CSMD1: variants seen among roughly 807,000 people sequenced by gnomAD.
CSMD1 encodes CUB and sushi domain-containing protein 1.
Under a neutral mutation model 417.5 loss-of-function variants are expected in CSMD1, and 213 were observed. The observed-to-expected ratio is 0.51, with a 90% CI of 0.46 to 0.57. The LOEUF (loss-of-function observed/expected upper bound fraction) is 0.57. Ranked by LOEUF, CSMD1 falls within the 20% of genes least tolerant of loss-of-function variation. The pLI, the probability that CSMD1 is intolerant of heterozygous loss-of-function variation, is 0.00. For missense variants in CSMD1, 6,923 were observed against 4,529.7 expected, an observed-to-expected ratio of 1.53 and a Z score of -15.17; for synonymous variants, 2,862 against 1,736.8, an observed-to-expected ratio of 1.65 and a Z score of -16.11.
intron 2 of CSMD1, among the ~76,000 whole-genome samples, chr8:4,625,583 A>G (rs544854716): frequency 6.6e-6 from 1 of 152,192 alleles, no homozygotes; most frequent in South Asian, 2.1e-4. Flanking sequence ...TCTCCTGTAT[A>G]CACGAGCAAA....
intron 11 of CSMD1, among the ~76,000 whole-genome samples, chr8:3,477,268 A>C (rs1817487093): frequency 6.6e-6 from 1 of 152,338 alleles, no homozygotes; most frequent in African/African-American, 2.4e-5. Flanking sequence ...AGATGTGCTA[A>C]ACCTTTAATA....
chr8:4,011,970 A>C (rs1816574516), intron 4 of CSMD1, among the ~76,000 whole-genome samples: 1 of 152,118 alleles, frequency 6.6e-6, no homozygotes, highest in Non-Finnish European at 1.5e-5. Context: ...ATAATACCAA[A>C]TATAAATGTC....
chr8:4,635,400 C>A (rs971159641), intron 2 of CSMD1, among the ~76,000 whole-genome samples: 1 of 151,780 alleles, frequency 6.6e-6, no homozygotes, highest in Non-Finnish European at 1.5e-5. Flanking sequence ...ATAAAATGAT[C>A]ATAATAGTAC....
chr8:3,301,555 G>T (rs575533921), intron 25 of CSMD1, among the ~76,000 whole-genome samples: 1 of 152,178 alleles, frequency 6.6e-6, no homozygotes, highest in South Asian at 2.1e-4. Flanking sequence ...GAGATGGGAA[G>T]AAACTGGAGG....
At chr8:3,739,967 C>A (rs1796709149) in intron 6 of CSMD1, among the ~76,000 whole-genome samples, 1 of 152,178 alleles carries the variant, frequency 6.6e-6, no homozygotes, top group African/African-American at 2.4e-5. Context: ...TTCGATTCTC[C>A]TTCATGATCC....
chr8:3,437,033 G>C (rs1021343888), intron 12 of CSMD1, among the ~76,000 whole-genome samples: 8 of 152,190 alleles, frequency 5.3e-5, no homozygotes, highest in African/African-American at 1.7e-4. Flanking sequence ...CTCATTTAAA[G>C]TGTGGAGCTT....
intron 1 of CSMD1, among the ~76,000 whole-genome samples, chr8:4,901,975 T>G (rs1804900679): frequency 6.6e-6 from 1 of 152,178 alleles, no homozygotes; most frequent in Non-Finnish European, 1.5e-5. Flanking sequence ...AAAGACATAA[T>G]GTCAACCTCA....
intron 1 of CSMD1, among the ~76,000 whole-genome samples, chr8:4,834,977 A>AAAAAGAAAGAAAG (rs1385745588): frequency 6.2e-5 from 2 of 32,240 alleles, no homozygotes; most frequent in African/African-American, 1.1e-4. Flanking sequence ...AAAAAAAAAA[A>AAAAAGAAAGAAAG]AAAGAAAGAA....
At chr8:4,930,406 T>C (rs1807168966) in intron 1 of CSMD1, among the ~76,000 whole-genome samples, 1 of 152,282 alleles carries the variant, frequency 6.6e-6, no homozygotes, top group Non-Finnish European at 1.5e-5. Context: ...CACATATACA[T>C]GCACACATCA....
chr8:3,411,436 C>A (rs1812694168), intron 12 of CSMD1, among the ~76,000 whole-genome samples: 1 of 151,708 alleles, frequency 6.6e-6, no homozygotes, highest in African/African-American at 2.4e-5. Context: ...TCTTCTATTC[C>A]TCATCCCCTT....
chr8:4,344,692 TC>T (rs1800680521), intron 3 of CSMD1, among the ~76,000 whole-genome samples: 1 of 151,994 alleles, frequency 6.6e-6, no homozygotes, highest in Non-Finnish European at 1.5e-5. Context: ...TAAAAATGTT[TC>T]CTAAAAATAA....
intron 5 of CSMD1, among the ~76,000 whole-genome samples, chr8:3,845,993 T>C (rs771153880): frequency 1.3e-5 from 2 of 151,956 alleles, no homozygotes; most frequent in Non-Finnish European, 1.5e-5. Flanking sequence ...AGCCGTCACC[T>C]CCTATGAGAA....
chr8:3,938,558 C>G (rs1013818972), intron 5 of CSMD1, among the ~76,000 whole-genome samples: 2 of 152,136 alleles, frequency 1.3e-5, no homozygotes, highest in Admixed American at 1.3e-4. Flanking sequence ...ACCGATGCTA[C>G]CAATGCATCT....
In CSMD1 at chr8:4,541,728, C is replaced by T. The variant is rs1797397195; in HGVS notation, c.302+95614G>A. Among the ~76,000 whole-genome samples, 4 of 152,022 alleles carry T rather than the reference C, an allele frequency of 2.6e-5. 1 individual carries two copies. The South Asian group carries it at 6.2e-4, about 24-fold the overall frequency. On this transcript the variant is annotated intron_variant, in intron 2 of 69. Coordinates refer to ENST00000635120, the MANE Select transcript of CSMD1 (RefSeq NM_033225.6). ...CCAGCCTGGGTGACAGAGTGAGACC[C>T]TGTCTAAATAAATAAATAAATAAGA...
chr8:4,276,874 A>C (rs1183226664), intron 3 of CSMD1, among the ~76,000 whole-genome samples: 5 of 152,206 alleles, frequency 3.3e-5, no homozygotes, highest in Non-Finnish European at 5.9e-5. Flanking sequence ...AATAAGTTAA[A>C]AACATTTAAA....
chr8:3,077,350 T>A (rs1813756927), intron 49 of CSMD1, among the ~76,000 whole-genome samples: 1 of 151,816 alleles, frequency 6.6e-6, no homozygotes, highest in African/African-American at 2.4e-5. Flanking sequence ...AGCCCTGAAA[T>A]GAGAAGATGA....
intron 12 of CSMD1, among the ~76,000 whole-genome samples, chr8:3,449,892 G>C (rs1164069703): frequency 6.6e-6 from 1 of 152,110 alleles, no homozygotes; most frequent in Admixed American, 6.5e-5. Flanking sequence ...AATTATTTCA[G>C]ACATTTAAAC....
intron 49 of CSMD1, among the ~76,000 whole-genome samples, chr8:3,072,923 A>G (rs1813413715): frequency 6.6e-6 from 1 of 152,192 alleles, no homozygotes; most frequent in Non-Finnish European, 1.5e-5. Context: ...TTCAAGTGTC[A>G]GATAATATTA....
chr8:4,685,626 C>T (rs1806324611), intron 1 of CSMD1, among the ~76,000 whole-genome samples: 1 of 151,820 alleles, frequency 6.6e-6, no homozygotes, highest in African/African-American at 2.4e-5. Context: ...GTAAGCACAC[C>T]ATCACACCAT....
Sources: gnomAD v4.1 joint callset for allele counts (sites outside exome capture counted in the v4.1 genomes callset) on GRCh38, gnomAD v4.1.1 for gene constraint, MANE v1.5 for transcripts, NCBI Gene and HGNC (gene_info 2026-07-23, HGNC 2026-07-21) for gene names.